Variants in GRM7 observed in about 807,000 individuals in gnomAD.
The protein encoded by GRM7 is metabotropic glutamate receptor 7.
GRM7 carries 35 observed loss-of-function variants against 84.5 expected under a neutral mutation model. The ratio of observed to expected loss-of-function variants is 0.41; its 90% CI spans 0.32 to 0.55. The LOEUF is 0.55. GRM7 is among the 20% of genes least tolerant of loss of function. The pLI is 0.19. For synonymous variants in GRM7, 487 were observed against 455.1 expected (o/e 1.07, Z -0.89); for missense variants, 1,003 against 1,194.6 (o/e 0.84, Z 2.36).
intron 4 of GRM7, among the ~76,000 whole-genome samples, chr3:7,379,616 T>C (rs775406758): frequency 3.3e-5 from 5 of 152,172 alleles, no homozygotes; most frequent in Non-Finnish European, 7.4e-5. Flanking sequence ...TTTTCTTATC[T>C]TTTTGGTGTA....
At chr3:7,275,430 G>A (rs1221400863) in intron 2 of GRM7, among the ~76,000 whole-genome samples, 4 of 152,112 alleles carry the variant, frequency 2.6e-5, no homozygotes, top group African/African-American at 7.2e-5. Flanking sequence ...AAGGTGTGAG[G>A]GGAGGGAAAG....
intron 9 of GRM7, among the ~76,000 whole-genome samples, chr3:7,685,573 T>G (rs1379235034): frequency 1.3e-5 from 2 of 152,096 alleles, no homozygotes; most frequent in African/African-American, 2.4e-5. Flanking sequence ...TTTAAGCCAA[T>G]TAACACATTG....
intron 1 of GRM7, among the ~76,000 whole-genome samples, chr3:6,969,434 A>C (rs1284182960): frequency 6.6e-6 from 1 of 152,210 alleles, no homozygotes; most frequent in Non-Finnish European, 1.5e-5. Context: ...GAGGTCGCAT[A>C]GTGTATCAGT....
chr3:7,021,436 G>A (rs756515207), intron 1 of GRM7, among the ~76,000 whole-genome samples: 1 of 152,194 alleles, frequency 6.6e-6, no homozygotes, highest in Non-Finnish European at 1.5e-5. Flanking sequence ...TTGAGGGATC[G>A]AAGTGCTTTC....
chr3:6,972,446 A>G (rs1475885309), intron 1 of GRM7, among the ~76,000 whole-genome samples: 3 of 152,216 alleles, frequency 2.0e-5, no homozygotes, highest in Non-Finnish European at 4.4e-5. Context: ...TCAGAAATCC[A>G]TAATGATACA....
In GRM7 at chr3:7,298,744, A is replaced by G. The variant is rs779206331; in HGVS notation, c.797A>G (p.Asp266Gly). 2.5e-6 allele frequency: 4 copies of G among 1,612,930 alleles called. No homozygotes were observed. The South Asian group carries it at 4.4e-5, about 18-fold the overall frequency. The change falls in exon 3 of 10, where the codon GAC becomes GGC. Residue 266 changes from aspartate (D) to glycine (G), a missense_variant. Physicochemically the swap from Asp to Gly is moderately conservative, Grantham distance 94. This residue lies in a region of GRM7 where 910 missense variants were observed against 1,126.0 expected (regional missense o/e 0.81). Transcript: ENST00000357716. Reference protein sequence around the residue: ...IPQERKDRTIDFDRIIKQLLD... With the variant: ...IPQERKDRTIGFDRIIKQLLD... ...CAGGAACGCAAAGACAGGACCATTGACTTTGATAGAATTATCAAACAGCTC... is the reference window on the plus strand; with the variant it reads ...CAGGAACGCAAAGACAGGACCATTGGCTTTGATAGAATTATCAAACAGCTC...
At chr3:7,147,106 T>C (rs1270256278) in intron 2 of GRM7, among the ~76,000 whole-genome samples, 3 of 152,182 alleles carry the variant, frequency 2.0e-5, no homozygotes, top group Non-Finnish European at 4.4e-5. Flanking sequence ...GGAATTCCTC[T>C]GAATGACTTG....
intron 8 of GRM7, chr3:7,607,729 C>CCTTTT (rs1696653408): frequency 9.2e-6 from 1 of 109,262 alleles, no homozygotes; most frequent in Non-Finnish European, 1.8e-5. Context: ...GCACACTTTC[C>CCTTTT]TTTTTTTTTT....
At chr3:7,395,745 C>G (rs1008571780) in intron 4 of GRM7, among the ~76,000 whole-genome samples, 1 of 152,188 alleles carries the variant, frequency 6.6e-6, no homozygotes, top group East Asian at 1.9e-4. Flanking sequence ...CCTCCCCAGT[C>G]ATATGGAATT....
chr3:7,258,227 T>C (rs1698280961), intron 2 of GRM7, among the ~76,000 whole-genome samples: 1 of 152,188 alleles, frequency 6.6e-6, no homozygotes, highest in Admixed American at 6.5e-5. Context: ...CACTGCCCCA[T>C]TTCTTGGCTA....
At chr3:7,292,964 G>A (rs1699686143) in intron 2 of GRM7, among the ~76,000 whole-genome samples, 1 of 150,702 alleles carries the variant, frequency 6.6e-6, no homozygotes, top group Non-Finnish European at 1.5e-5. Flanking sequence ...AACCCAGGAG[G>A]CGGAGGTTGC....
intron 1 of GRM7, among the ~76,000 whole-genome samples, chr3:7,083,896 C>A (rs531355830): frequency 1.2e-4 from 18 of 152,198 alleles, no homozygotes; most frequent in African/African-American, 4.3e-4. Context: ...GGTAGAAACA[C>A]CAGCAACCTG....
intron 7 of GRM7, chr3:7,560,156 G>A (rs978394014): frequency 6.6e-6 from 1 of 152,060 alleles, no homozygotes; most frequent in African/African-American, 2.4e-5. Context: ...GCAAAGTAGG[G>A]AGAGGCATAG....
At chr3:7,181,268 T>C (rs1453779323) in intron 2 of GRM7, among the ~76,000 whole-genome samples, 1 of 152,202 alleles carries the variant, frequency 6.6e-6, no homozygotes, top group African/African-American at 2.4e-5. Context: ...TCTTCCATAC[T>C]ATTTTTTAGG....
At chr3:7,453,746 G>T (rs1697878557) in intron 6 of GRM7, among the ~76,000 whole-genome samples, 1 of 152,042 alleles carries the variant, frequency 6.6e-6, no homozygotes, top group South Asian at 2.1e-4. Flanking sequence ...GAATAGGCAT[G>T]ATCGACAACC....
intron 1 of GRM7, among the ~76,000 whole-genome samples, chr3:6,866,046 G>A (rs1212571257): frequency 6.6e-6 from 1 of 152,134 alleles, no homozygotes; most frequent in Non-Finnish European, 1.5e-5. Flanking sequence ...TATTATATTT[G>A]AAGACATCTC....
chr3:7,161,423 A>G (rs1290905837), intron 2 of GRM7, among the ~76,000 whole-genome samples: 1 of 25,296 alleles, frequency 4.0e-5, no homozygotes, highest in African/African-American at 1.5e-3. Context: ...TAATGACCTG[A>G]AAAAAAAAAA....
At chr3:7,070,138 A>G (rs1697812008) in intron 1 of GRM7, among the ~76,000 whole-genome samples, 1 of 152,036 alleles carries the variant, frequency 6.6e-6, no homozygotes. Flanking sequence ...ATTTAATGAA[A>G]TGGATAATTA....
At chr3:7,324,091 A>C (rs1700888927) in intron 4 of GRM7, among the ~76,000 whole-genome samples, 2 of 152,158 alleles carry the variant, frequency 1.3e-5, no homozygotes, top group Non-Finnish European at 2.9e-5. Flanking sequence ...GTACTGTGTG[A>C]ATCCATGAAC....
Sources: gnomAD v4.1 joint callset for allele counts (sites outside exome capture counted in the v4.1 genomes callset) on GRCh38, gnomAD v4.1.1 for gene constraint, gnomAD v4.1.1 regional missense constraint, MANE v1.5 for transcripts, NCBI Gene and HGNC (gene_info 2026-07-23, HGNC 2026-07-21) for gene names.